RPTOR: variants seen among roughly 807,000 people sequenced by gnomAD.
RPTOR encodes regulatory-associated protein of mTOR.
In RPTOR, 21 loss-of-function variants were observed where a neutral mutation model predicts 169.9. The observed-to-expected ratio is 0.12, with a 90% CI of 0.09 to 0.18. The LOEUF (loss-of-function observed/expected upper bound fraction) is 0.18. Among genes scored for constraint, RPTOR ranks in the 10% least tolerant of loss-of-function variants. RPTOR has a pLI of 1.00. For missense variants in RPTOR, 1,133 were observed against 1,855.9 expected (o/e 0.61, Z 7.16); for synonymous variants, 732 against 753.2 (o/e 0.97, Z 0.46).
intron 1 of RPTOR, among the ~76,000 whole-genome samples, chr17:80,576,011 C>G (rs2064960239): frequency 6.6e-6 from 1 of 152,150 alleles, no homozygotes; most frequent in Admixed American, 6.5e-5. Flanking sequence ...TCTGTTTTGT[C>G]TCAGGATAGT....
intron 13 of RPTOR, among the ~76,000 whole-genome samples, chr17:80,863,666 G>C (rs1192215906): frequency 6.6e-6 from 1 of 152,236 alleles, no homozygotes; most frequent in African/African-American, 2.4e-5. Flanking sequence ...TGTAATCTCA[G>C]CACTTTTGGA....
intron 5 of RPTOR, among the ~76,000 whole-genome samples, chr17:80,735,993 G>A (rs1008761238): frequency 5.3e-5 from 8 of 152,090 alleles, no homozygotes; most frequent in African/African-American, 1.9e-4. Flanking sequence ...GCAGCATAGC[G>A]AAACCCCATC....
rs1362621126 is a variant in RPTOR, at chr17:80,861,942, T to C, written c.1509+4042T>C. Among the ~76,000 whole-genome samples, 1 of 152,192 alleles carries C rather than the reference T, an allele frequency of 6.6e-6. No individual in the cohort carries two copies. Among genetic ancestry groups the C allele is most frequent in the Admixed American group, 6.5e-5 (1 of 15,282 alleles). On this transcript the variant is annotated intron_variant, in intron 13 of 33. Transcript: ENST00000306801. This position sits in a 1 kb window ranked among gnomAD's most constrained non-coding sequence, Gnocchi z 4.5. ...TCATGGTATTGCAGTGCAGGGCGTC[T>C]TGTTTAAAACTGGCTCTTGGTCCCG... is the stretch of plus-strand genomic sequence containing the variant.
intron 7 of RPTOR, among the ~76,000 whole-genome samples, chr17:80,795,604 A>G (rs1433318534): frequency 1.3e-5 from 2 of 151,972 alleles, no homozygotes; most frequent in African/African-American, 4.8e-5. Context: ...AACTGTTAAT[A>G]GTAGGCAGTT....
At chr17:80,632,456 C>G (rs1212172392) in intron 2 of RPTOR, among the ~76,000 whole-genome samples, 2 of 152,144 alleles carry the variant, frequency 1.3e-5, no homozygotes, top group Non-Finnish European at 2.9e-5. Context: ...TCTCTTTGAT[C>G]AGTATTTACA....
At chr17:80,831,855 G>GTGTATCCCTGTGTGTCACCATGTATC (rs1567936960) in intron 9 of RPTOR, among the ~76,000 whole-genome samples, 1 of 58,776 alleles carries the variant, frequency 1.7e-5, no homozygotes, top group East Asian at 1.0e-3. Context: ...CCCTGTGTGT[G>GTGTATCCCTGTGTGTCACCATGTATC]CCTGTATGTC....
chr17:80,544,999 G>C lies in RPTOR; in HGVS notation c.-631G>C, dbSNP rs559282530. On this transcript the variant is annotated 5_prime_UTR_variant, in exon 1 of 34. Transcript: ENST00000306801. ...TCAGGACTCGTTCTCAGGCAGGAGA[G>C]AGCCTCGGGGCTGAAGGCCAGGACC... is the stretch of plus-strand genomic sequence containing the variant. 3 of 232,810 alleles carry C rather than the reference G, an allele frequency of 1.3e-5. No individual in the cohort carries two copies. In the South Asian group the frequency reaches 5.4e-4, roughly 42 times the overall value. 14.4% of individuals were successfully genotyped at this position (232,810 alleles called of 1,614,324 possible).
intron 11 of RPTOR, among the ~76,000 whole-genome samples, chr17:80,851,867 C>T (rs1387967229): frequency 6.6e-6 from 1 of 152,240 alleles, no homozygotes; most frequent in Admixed American, 6.5e-5. Flanking sequence ...TGTTCTGCAA[C>T]TATTTACCTT....
chr17:80,606,288 G>T (rs1319749299), intron 1 of RPTOR, among the ~76,000 whole-genome samples: 6 of 150,196 alleles, frequency 4.0e-5, no homozygotes, highest in Non-Finnish European at 7.4e-5. Flanking sequence ...GGGATTACAG[G>T]CATGAGCCAC....
At chr17:80,880,024 C>T (rs746955802) in intron 13 of RPTOR, among the ~76,000 whole-genome samples, 13 of 152,154 alleles carry the variant, frequency 8.5e-5, no homozygotes, top group Non-Finnish European at 1.8e-4. Flanking sequence ...TGAGCGGGAC[C>T]GGGTCTGCAC....
chr17:80,570,651 G>T (rs147029816), intron 1 of RPTOR, among the ~76,000 whole-genome samples: 26 of 152,100 alleles, frequency 1.7e-4, no homozygotes, highest in African/African-American at 6.0e-4. Context: ...AGTAGAGATG[G>T]GGTTTTACCA....
intron 5 of RPTOR, among the ~76,000 whole-genome samples, chr17:80,751,558 C>A (rs2066630380): frequency 6.6e-6 from 1 of 152,140 alleles, no homozygotes; most frequent in South Asian, 2.1e-4. Context: ...ACATTCTCTC[C>A]CCGTCAAGCC....
intron 4 of RPTOR, among the ~76,000 whole-genome samples, chr17:80,712,695 T>A (rs1408443894): frequency 6.6e-6 from 1 of 152,220 alleles, no homozygotes; most frequent in East Asian, 1.9e-4. Flanking sequence ...GGAATGGGTT[T>A]GGTGGATGAT....
chr17:80,583,180 C>CTTTTTT (rs1398903636), intron 1 of RPTOR, among the ~76,000 whole-genome samples: 1 of 83,750 alleles, frequency 1.2e-5, no homozygotes. Flanking sequence ...TGCCTCTTTC[C>CTTTTTT]TGTTTTTTTT....
intron 3 of RPTOR, among the ~76,000 whole-genome samples, chr17:80,689,575 C>G (rs930637561): frequency 6.6e-6 from 1 of 152,250 alleles, no homozygotes; most frequent in African/African-American, 2.4e-5. Context: ...AGCGCAAAAG[C>G]ACAGCATGGT....
chr17:80,838,507 G>GGCAGCT (rs902270474), intron 10 of RPTOR, among the ~76,000 whole-genome samples: 22 of 152,204 alleles, frequency 1.4e-4, no homozygotes, highest in Admixed American at 3.9e-4. Context: ...GGGCCTTCGC[G>GGCAGCT]GCAGCTCCCT....
In RPTOR at chr17:80,730,489, G is replaced by A. The variant is rs772669860; in HGVS notation, c.508-71G>A. The A allele has an allele frequency of 2.2e-5, 33 of 1,530,154 alleles. No individual in the cohort carries two copies. The highest frequency in any genetic ancestry group is 2.6e-5 in the Non-Finnish European group (29 of 1,111,150). 94.8% of individuals were successfully genotyped at this position (1,530,154 alleles called of 1,614,324 possible). On this transcript the variant is annotated intron_variant, in intron 4 of 33. Coordinates refer to ENST00000306801, the MANE Select transcript of RPTOR (RefSeq NM_020761.3). The surrounding 1 kb of genome is among the most constrained non-coding windows in gnomAD (Gnocchi z 4.2). ...GCTCAATGTGTGTGCCTTTTGTAAC[G>A]GTGCAGTACTCACCAGCAGCCCATA...
At position 80,964,990 on chromosome 17, in the gene RPTOR, A is replaced by G; in HGVS notation, c.*660A>G. ...CAGCATCACTGAGCAGGAAGCGCAC[A>G]GCCCACCCTCCCCGCACCTCCAGGT... On this transcript the variant is annotated 3_prime_UTR_variant, in exon 34 of 34. Transcript: ENST00000306801. The G allele has an allele frequency of 4.3e-6, 1 of 233,484 alleles. No individual in the cohort carries two copies. The highest frequency in any genetic ancestry group is 8.5e-6 in the Non-Finnish European group (1 of 118,190). 14.5% of individuals were successfully genotyped at this position (233,484 alleles called of 1,614,324 possible). A position where few individuals can be genotyped will look rare whatever the true frequency, so the allele number is the denominator to read the frequency against.
chr17:80,946,399 A>G (rs1405560247), intron 26 of RPTOR, among the ~76,000 whole-genome samples: 1 of 152,216 alleles, frequency 6.6e-6, no homozygotes, highest in Non-Finnish European at 1.5e-5. Context: ...GCGTATTCAC[A>G]TTGTTATGCA....
Sources: gnomAD v4.1 joint callset for allele counts (sites outside exome capture counted in the v4.1 genomes callset) on GRCh38, gnomAD v4.1.1 for gene constraint, Gnocchi (gnomAD v3.1) non-coding constraint, MANE v1.5 for transcripts, NCBI Gene and HGNC (gene_info 2026-07-23, HGNC 2026-07-21) for gene names.